TRPM3: variants seen among roughly 807,000 people sequenced by gnomAD.
TRPM3 encodes the protein transient receptor potential cation channel subfamily M member 3, also known as long transient receptor potential channel 3.
TRPM3 carries 77 observed loss-of-function variants against 181.2 expected under a neutral mutation model. The observed-to-expected ratio is 0.42, with a 90% CI of 0.35 to 0.51. The LOEUF is 0.51. Ranked by LOEUF, TRPM3 falls within the 20% of genes least tolerant of loss-of-function variation. The pLI, the probability that TRPM3 is intolerant of heterozygous loss-of-function variation, is 0.01. For missense variants in TRPM3, 1,759 were observed against 2,196.7 expected (o/e 0.80, Z 3.98); for synonymous variants, 745 against 796.4 (o/e 0.94, Z 1.09).
intron 1 of TRPM3, among the ~76,000 whole-genome samples, chr9:71,152,557 G>A (rs959425890): frequency 2.6e-5 from 4 of 152,044 alleles, no homozygotes; most frequent in Non-Finnish European, 5.9e-5. Context: ...TTTAATTTAT[G>A]AATTTCAACT....
rs114131721 is a variant in TRPM3 at position 71,007,697 on chromosome 9, A to G, written c.177+113481T>C. ...ATGACAATGGAATACAACAGATCAA[A>G]TACTTTTGCTGTATGGAATACAGCA... is the stretch of plus-strand genomic sequence containing the variant. On this transcript the variant is annotated intron_variant, in intron 1 of 25. Coordinates refer to ENST00000677713, the MANE Select transcript of TRPM3 (RefSeq NM_001366145.2). Among the ~76,000 whole-genome samples the G allele has an allele frequency of 9.0e-3, 1,372 of 152,270 alleles. 16 individuals carry two copies. The highest frequency in any genetic ancestry group is 0.031 in the African/African-American group (1,289 of 41,566).
intron 1 of TRPM3, among the ~76,000 whole-genome samples, chr9:70,890,812 C>A (rs2096188089): frequency 6.6e-6 from 1 of 151,788 alleles, no homozygotes; most frequent in Non-Finnish European, 1.5e-5. Context: ...AAACAGGGAA[C>A]CAAGCACAGG....
chr9:70,783,117 A>G (rs2082820700), intron 7 of TRPM3, among the ~76,000 whole-genome samples: 1 of 152,216 alleles, frequency 6.6e-6, no homozygotes, highest in Admixed American at 6.6e-5. Flanking sequence ...TCTACTTACT[A>G]GACTTACTGT....
intron 1 of TRPM3, among the ~76,000 whole-genome samples, chr9:70,916,632 G>T (rs1370164878): frequency 6.6e-6 from 1 of 152,006 alleles, no homozygotes; most frequent in Non-Finnish European, 1.5e-5. Context: ...TCATGTGTAT[G>T]AATAAATATA....
At chr9:70,621,038 T>C (rs932052369) in intron 15 of TRPM3, among the ~76,000 whole-genome samples, 2 of 146,954 alleles carry the variant, frequency 1.4e-5, no homozygotes, top group African/African-American at 4.9e-5. Flanking sequence ...ATATATATAA[T>C]ATATACATAC....
At chr9:70,860,018 C>T (rs80004958) in intron 3 of TRPM3, among the ~76,000 whole-genome samples, 9,918 of 152,244 alleles carry the variant, frequency 0.065, 432 homozygotes, top group Middle Eastern at 0.13. Context: ...TGCAGCCTGG[C>T]ACCCCTATGG....
At chr9:70,645,811 A>G (rs914241911) in intron 9 of TRPM3, among the ~76,000 whole-genome samples, 9 of 152,208 alleles carry the variant, frequency 5.9e-5, no homozygotes, top group African/African-American at 2.2e-4. Flanking sequence ...AGAATGGGAG[A>G]AAATTTTTGC....
intron 1 of TRPM3, among the ~76,000 whole-genome samples, chr9:71,023,052 C>A (rs2097859485): frequency 6.6e-6 from 1 of 152,072 alleles, no homozygotes; most frequent in South Asian, 2.1e-4. Flanking sequence ...TGTGAAGAAG[C>A]TATAAAGCAG....
intron 1 of TRPM3, among the ~76,000 whole-genome samples, chr9:71,168,463 G>C (rs2076641838): frequency 6.7e-6 from 1 of 148,706 alleles, no homozygotes. Flanking sequence ...CACCATTCTT[G>C]GCAATGTCAG....
intron 8 of TRPM3, among the ~76,000 whole-genome samples, chr9:70,745,048 T>C (rs917674572): frequency 7.9e-5 from 12 of 152,146 alleles, no homozygotes; most frequent in Non-Finnish European, 1.8e-4. Context: ...CAAGATAACA[T>C]GAAAATGATC....
intron 1 of TRPM3, among the ~76,000 whole-genome samples, chr9:71,237,274 TG>T (rs917637706): frequency 1.2e-4 from 19 of 152,314 alleles, no homozygotes; most frequent in African/African-American, 4.3e-4. Flanking sequence ...AATCAAACAT[TG>T]TTTTTTTTCT....
intron 1 of TRPM3, among the ~76,000 whole-genome samples, chr9:71,350,338 G>A (rs1267784257): frequency 6.6e-6 from 1 of 152,120 alleles, no homozygotes; most frequent in Admixed American, 6.5e-5. Flanking sequence ...TTCTTCGATG[G>A]CACTATCCCC....
chr9:71,081,321 C>T (rs1318507719), intron 1 of TRPM3, among the ~76,000 whole-genome samples: 3 of 152,264 alleles, frequency 2.0e-5, no homozygotes, highest in South Asian at 4.2e-4. Flanking sequence ...TGCCTGGATT[C>T]CACTCCTGGC....
At chr9:71,141,593 A>G (rs1355119743) in intron 1 of TRPM3, among the ~76,000 whole-genome samples, 1 of 152,182 alleles carries the variant, frequency 6.6e-6, no homozygotes, top group East Asian at 1.9e-4. Context: ...CACACCTGAA[A>G]TATTTTGAGC....
chr9:71,232,489 G>GTTTTTTT (rs1565367207), intron 1 of TRPM3, among the ~76,000 whole-genome samples: 5 of 89,962 alleles, frequency 5.6e-5, no homozygotes, highest in Admixed American at 2.1e-4. Flanking sequence ...TGAATTCAGT[G>GTTTTTTT]TCTTTTTTTT....
At chr9:70,988,865 C>G (rs1289965306) in intron 1 of TRPM3, among the ~76,000 whole-genome samples, 1 of 152,128 alleles carries the variant, frequency 6.6e-6, no homozygotes, top group Non-Finnish European at 1.5e-5. Context: ...TGAGATCAGT[C>G]CCTCACTGAA....
intron 11 of TRPM3, among the ~76,000 whole-genome samples, chr9:70,636,692 CTT>C (rs11380206): frequency 7.4e-6 from 1 of 135,142 alleles, no homozygotes. Flanking sequence ...ATAGTGATGG[CTT>C]TTTTTTTTTT....
At chr9:71,326,962 G>A (rs1021914711) in intron 1 of TRPM3, among the ~76,000 whole-genome samples, 1 of 152,156 alleles carries the variant, frequency 6.6e-6, no homozygotes, top group African/African-American at 2.4e-5. Flanking sequence ...GCACTCACCT[G>A]TCAAGATGAC....
Position 70,582,408 on chromosome 9 carries a change from G to C in TRPM3, c.3223+8623C>G, listed in dbSNP as rs951105856. On this transcript the variant is annotated intron_variant, in intron 22 of 25. Coordinates refer to ENST00000677713, the MANE Select transcript of TRPM3 (RefSeq NM_001366145.2). ...ATAACAACATCACTCTCTATCCTCTGCTTCAAGGAGTTTAATTCATGCATC... is the reference window on the plus strand; with the variant it reads ...ATAACAACATCACTCTCTATCCTCTCCTTCAAGGAGTTTAATTCATGCATC... 2.6e-5 allele frequency among the ~76,000 whole-genome samples: 4 copies of C among 152,236 alleles called. No individual in the cohort carries two copies. In the East Asian group the frequency reaches 7.7e-4, roughly 29 times the overall value.
Sources: allele counts gnomAD v4.1 joint callset (sites outside exome capture counted in the v4.1 genomes callset), GRCh38; gene constraint gnomAD v4.1.1; transcripts MANE v1.5; gene names NCBI Gene and HGNC (gene_info 2026-07-23, HGNC 2026-07-21).